LIN52: variants seen among roughly 807,000 people sequenced by gnomAD.
LIN52 encodes the protein lin-52 DREAM MuvB core complex component.
Under a neutral mutation model 18.5 loss-of-function variants are expected in LIN52, and 4 were observed. The observed-to-expected ratio is 0.22, with a 90% CI of 0.11 to 0.49. The LOEUF (loss-of-function observed/expected upper bound fraction) is 0.49, where lower values mean the gene tolerates loss of function less well. Ranked by LOEUF, LIN52 falls within the 20% of genes least tolerant of loss-of-function variation. LIN52 has a pLI of 0.97. For missense variants in LIN52, 102 were observed against 139.5 expected, an observed-to-expected ratio of 0.73 and a Z score of 1.35; for synonymous variants, 34 against 45.5, an observed-to-expected ratio of 0.75 and a Z score of 1.02.
intron 5 of LIN52, among the ~76,000 whole-genome samples, chr14:74,105,251 G>T (rs898773159): frequency 3.9e-5 from 6 of 152,094 alleles, no homozygotes; most frequent in Non-Finnish European, 7.4e-5. Flanking sequence ...AAGGCTTTGG[G>T]GGTGGGGGTT....
intron 5 of LIN52, among the ~76,000 whole-genome samples, chr14:74,128,355 T>C (rs924301669): frequency 3.9e-5 from 6 of 152,076 alleles, no homozygotes; most frequent in African/African-American, 1.4e-4. Flanking sequence ...CAGAGGGTCC[T>C]CCTGGAGTAT....
chr14:74,149,272 GTT>G (rs1378198718), intron 5 of LIN52, among the ~76,000 whole-genome samples: 1 of 152,140 alleles, frequency 6.6e-6, no homozygotes, highest in Non-Finnish European at 1.5e-5. Context: ...GCCGTGCAGT[GTT>G]TTATAACCCT....
chr14:74,098,155 A>G (rs2060828062), intron 4 of LIN52, among the ~76,000 whole-genome samples: 2 of 152,140 alleles, frequency 1.3e-5, no homozygotes. Flanking sequence ...AAATTTTTTC[A>G]TTTAATTCCC....
At chr14:74,181,122 A>G (rs867893742) in intron 5 of LIN52, among the ~76,000 whole-genome samples, 114 of 129,992 alleles carry the variant, frequency 8.8e-4, no homozygotes, top group African/African-American at 2.8e-3. Flanking sequence ...AAAAAAAAAA[A>G]AAAAAAGAAA....
At chr14:74,130,295 T>TTTTTTTTTTTTTC (rs1315000657) in intron 5 of LIN52, among the ~76,000 whole-genome samples, 3 of 140,364 alleles carry the variant, frequency 2.1e-5, no homozygotes, top group Non-Finnish European at 4.7e-5. Flanking sequence ...TTTTTTTTTT[T>TTTTTTTTTTTTTC]TGAGACAGTC....
chr14:74,091,354 G>A (rs760034730), intron 2 of LIN52, 48 bp downstream of exon 2: 2 of 1,220,028 alleles, frequency 1.6e-6, no homozygotes, highest in South Asian at 1.4e-5. Context: ...GAGAAACAAT[G>A]TTCCTTTTTA....
chr14:74,149,340 ACT>A (rs2061166557), intron 5 of LIN52, among the ~76,000 whole-genome samples: 1 of 152,120 alleles, frequency 6.6e-6, no homozygotes. Context: ...TATTTTTATA[ACT>A]CTACAAAACG....
At chr14:74,193,225 GTAGTT>G (rs1219105967) in intron 5 of LIN52, among the ~76,000 whole-genome samples, 2 of 143,394 alleles carry the variant, frequency 1.4e-5, no homozygotes, top group Non-Finnish European at 3.0e-5. Context: ...CTTGAAGCTA[GTAGTT>G]CAAGATCCTG....
At chr14:74,086,132 C>T (rs1027560025) in intron 1 of LIN52, among the ~76,000 whole-genome samples, 1 of 152,058 alleles carries the variant, frequency 6.6e-6, no homozygotes, top group Non-Finnish European at 1.5e-5. Context: ...TCTTCCTTGT[C>T]AGCATAGTTA....
chr14:74,126,036 T>TA (rs35775748), intron 5 of LIN52, among the ~76,000 whole-genome samples: 58,822 of 140,306 alleles, frequency 0.42, 11,981 homozygotes, highest in East Asian at 0.72. Context: ...CTTAAAGTAT[T>TA]AAAAAAAAAA....
chr14:74,174,113 A>G (rs2061282265), intron 5 of LIN52, among the ~76,000 whole-genome samples: 1 of 152,194 alleles, frequency 6.6e-6, no homozygotes, highest in African/African-American at 2.4e-5. Flanking sequence ...TCCCACTTTT[A>G]AAAGGAGCTT....
chr14:74,124,833 A>AAAAAAAAAAAT (rs1176711289), intron 5 of LIN52, among the ~76,000 whole-genome samples: 1 of 147,834 alleles, frequency 6.8e-6, no homozygotes, highest in African/African-American at 2.5e-5. Context: ...AAAAAAAAAA[A>AAAAAAAAAAAT]GCTGAGAGGC....
intron 5 of LIN52, among the ~76,000 whole-genome samples, chr14:74,159,753 G>A (rs1256885088): frequency 1.3e-5 from 2 of 152,014 alleles, no homozygotes; most frequent in Non-Finnish European, 2.9e-5. Flanking sequence ...TGTATTTTTA[G>A]TAGAGACGGG....
intron 5 of LIN52, among the ~76,000 whole-genome samples, chr14:74,130,214 AAAAT>A (rs2061053327): frequency 6.6e-6 from 1 of 151,650 alleles, no homozygotes; most frequent in Admixed American, 6.6e-5. Context: ...TGTCTCAAAA[AAAAT>A]AAATAAATTA....
Position 74,131,306 on chromosome 14 carries a change from G to T in LIN52, c.283+30068G>T, listed in dbSNP as rs1252520949. ...TGAGGGATATCCAAGAATAAACTTTGCTATTTAAGTGACTTTTTTTTTTTT... is the reference window on the plus strand; with the variant it reads ...TGAGGGATATCCAAGAATAAACTTTTCTATTTAAGTGACTTTTTTTTTTTT... On this transcript the variant is annotated intron_variant, in intron 5 of 5. Coordinates refer to ENST00000555028, the MANE Select transcript of LIN52 (RefSeq NM_001024674.3). 5.3e-5 allele frequency among the ~76,000 whole-genome samples: 8 copies of T among 149,620 alleles called. No homozygotes were observed. In the East Asian group the frequency reaches 9.8e-4, roughly 18 times the overall value.
At chr14:74,114,510 C>A (rs150248645) in intron 5 of LIN52, 3 of 783,186 alleles carry the variant, frequency 3.8e-6, no homozygotes, top group East Asian at 1.3e-4. Context: ...GGGGATGTTA[C>A]GGGATAAGCT....
chr14:74,135,129 A>G (rs758599997), intron 5 of LIN52, among the ~76,000 whole-genome samples: 36 of 152,020 alleles, frequency 2.4e-4, no homozygotes, highest in Non-Finnish European at 5.0e-4. Flanking sequence ...CAGTGGCGTG[A>G]TCTCTGCTCA....
chr14:74,160,158 C>T (rs1039359894), intron 5 of LIN52, among the ~76,000 whole-genome samples: 2 of 152,028 alleles, frequency 1.3e-5, no homozygotes, highest in Admixed American at 1.3e-4. Context: ...TGGCTGAAGT[C>T]TTTATACAAA....
intron 5 of LIN52, among the ~76,000 whole-genome samples, chr14:74,170,341 CAA>C (rs776168941): frequency 2.0e-4 from 30 of 152,266 alleles, no homozygotes; most frequent in Middle Eastern, 6.8e-3. Context: ...CTAAATTCCA[CAA>C]AGACTGACTT....
Sources: gnomAD v4.1 joint callset for allele counts (sites outside exome capture counted in the v4.1 genomes callset) on GRCh38, gnomAD v4.1.1 for gene constraint, MANE v1.5 for transcripts, NCBI Gene and HGNC (gene_info 2026-07-23, HGNC 2026-07-21) for gene names.